DLG2: variants seen among roughly 807,000 people sequenced by gnomAD.
The protein encoded by DLG2 is discs large MAGUK scaffold protein 2, also known as disks large homolog 2.
A neutral mutation model predicts 132.5 loss-of-function variants in DLG2; 45 were observed. That is an observed-to-expected ratio of 0.34 (90% CI 0.27 to 0.44). DLG2 has a LOEUF of 0.44. Ranked by LOEUF, DLG2 falls within the 20% of genes least tolerant of loss-of-function variation. The pLI is 1.00. For missense variants in DLG2, 1,045 were observed against 1,196.9 expected (o/e 0.87, Z 1.87); for synonymous variants, 424 against 419.6 (o/e 1.01, Z -0.13).
chr11:83,765,769 G>A (rs1156734251), intron 18 of DLG2, among the ~76,000 whole-genome samples: 1 of 152,142 alleles, frequency 6.6e-6, no homozygotes, highest in Non-Finnish European at 1.5e-5. Context: ...CACAATATAT[G>A]TACAATTGAG....
chr11:84,601,186 T>C (rs573464042), intron 6 of DLG2, among the ~76,000 whole-genome samples: 28 of 152,070 alleles, frequency 1.8e-4, no homozygotes, highest in Non-Finnish European at 3.7e-4. Context: ...CAGGTTATTC[T>C]GGAAGCTGTA....
intron 7 of DLG2, among the ~76,000 whole-genome samples, chr11:84,483,518 A>C (rs2099143326): frequency 6.6e-6 from 1 of 152,032 alleles, no homozygotes; most frequent in South Asian, 2.1e-4. Context: ...GAGGAAGCTG[A>C]AACTACTTTT....
chr11:84,286,725 G>A (rs138739043), intron 7 of DLG2, among the ~76,000 whole-genome samples: 37 of 152,282 alleles, frequency 2.4e-4, no homozygotes, highest in African/African-American at 8.4e-4. Flanking sequence ...GTCAACAAGT[G>A]TCTGAGTGAG....
chr11:83,959,953 T>C (rs926716357), intron 14 of DLG2, among the ~76,000 whole-genome samples: 5 of 152,114 alleles, frequency 3.3e-5, no homozygotes, highest in African/African-American at 1.2e-4. Flanking sequence ...TATTACTCTA[T>C]GTATTGTTAA....
chr11:83,928,405 G>A lies in DLG2; in HGVS notation c.1496+1923C>T, dbSNP rs192238841. On this transcript the variant is annotated intron_variant, in intron 15 of 27. Transcript: ENST00000376104. ...GTGAACTGTTATCAGCTACTTCTTC[G>A]TGAATTTTTCAGGAAGGATGCTTCA... Among the ~76,000 whole-genome samples, 1,229 of 152,086 alleles carry A rather than the reference G, an allele frequency of 8.1e-3. 17 individuals are homozygous for A. Among genetic ancestry groups the A allele is most frequent in the African/African-American group, 0.028 (1,175 of 41,470 alleles).
intron 18 of DLG2, among the ~76,000 whole-genome samples, chr11:83,731,893 G>T (rs940266949): frequency 2.6e-5 from 4 of 152,270 alleles, no homozygotes; most frequent in Admixed American, 2.0e-4. Flanking sequence ...ACCAGAAAGG[G>T]TTATCATTAA....
intron 2 of DLG2, among the ~76,000 whole-genome samples, chr11:85,600,972 A>G (rs1171858697): frequency 1.3e-5 from 2 of 152,164 alleles, no homozygotes; most frequent in African/African-American, 4.8e-5. Context: ...ACCATGGCCA[A>G]TTTCAAGGTA....
rs545290550 is a variant in DLG2 at position 83,616,996 on chromosome 11, G to A, written c.1940+16215C>T. Among the ~76,000 whole-genome samples the A allele has an allele frequency of 5.7e-4, 87 of 152,138 alleles. No individual in the cohort carries two copies. The Middle Eastern group carries it at 0.01, about 18-fold the overall frequency. On this transcript the variant is annotated intron_variant, in intron 19 of 27. Coordinates refer to ENST00000376104, the MANE Select transcript of DLG2 (RefSeq NM_001142699.3). Reference sequence around the variant, plus strand: ...TTCTGCACTCTATATTATTCCATTGGTCTACTTGTCTACACTTATACCAAT... The same window carrying A: ...TTCTGCACTCTATATTATTCCATTGATCTACTTGTCTACACTTATACCAAT...
intron 6 of DLG2, among the ~76,000 whole-genome samples, chr11:84,662,837 A>T (rs2099695999): frequency 6.7e-6 from 1 of 149,602 alleles, no homozygotes; most frequent in South Asian, 2.1e-4. Flanking sequence ...GAAGGTCCTG[A>T]TTAGATCCTT....
intron 8 of DLG2, among the ~76,000 whole-genome samples, chr11:84,194,505 C>G (rs191227519): frequency 1.3e-5 from 2 of 152,174 alleles, no homozygotes; most frequent in African/African-American, 4.8e-5. Context: ...GAGTGGCTTG[C>G]GCTGTTGGCT....
chr11:84,670,170 C>CT (rs2099704183), intron 6 of DLG2, among the ~76,000 whole-genome samples: 1 of 152,104 alleles, frequency 6.6e-6, no homozygotes, highest in Admixed American at 6.6e-5. Context: ...CAACCTTCCT[C>CT]TTGATCGCAT....
At chr11:85,290,555 T>G (rs1565275948) in intron 3 of DLG2, among the ~76,000 whole-genome samples, 1 of 151,924 alleles carries the variant, frequency 6.6e-6, no homozygotes, top group Non-Finnish European at 1.5e-5. Flanking sequence ...AAGAGGGGAA[T>G]AGGGTGAAAG....
At chr11:84,575,315 T>A (rs949415701) in intron 6 of DLG2, among the ~76,000 whole-genome samples, 4 of 152,138 alleles carry the variant, frequency 2.6e-5, no homozygotes, top group African/African-American at 7.2e-5. Flanking sequence ...CTCCTGATTG[T>A]GCATGCCTCC....
intron 8 of DLG2, among the ~76,000 whole-genome samples, chr11:84,198,627 C>A (rs2096553485): frequency 6.6e-6 from 1 of 152,040 alleles, no homozygotes; most frequent in Non-Finnish European, 1.5e-5. Flanking sequence ...AAAACCATGA[C>A]AATTATCTAC....
At chr11:84,398,217 C>T (rs1052626487) in intron 7 of DLG2, among the ~76,000 whole-genome samples, 1 of 152,146 alleles carries the variant, frequency 6.6e-6, no homozygotes, top group Non-Finnish European at 1.5e-5. Context: ...TTCATCAGAT[C>T]ACCTGCAGAG....
chr11:84,909,650 T>C (rs2091886186), intron 6 of DLG2, among the ~76,000 whole-genome samples: 1 of 152,228 alleles, frequency 6.6e-6, no homozygotes, highest in Admixed American at 6.5e-5. Flanking sequence ...AGGTGGCCTC[T>C]TCCCCAGGAG....
chr11:84,959,719 T>G (rs967204904), intron 6 of DLG2, among the ~76,000 whole-genome samples: 4 of 152,210 alleles, frequency 2.6e-5, no homozygotes, highest in Non-Finnish European at 5.9e-5. Context: ...ACTTATTTAA[T>G]TGCGACTATA....
intron 7 of DLG2, among the ~76,000 whole-genome samples, chr11:84,433,652 T>C (rs2098991542): frequency 6.6e-6 from 1 of 152,226 alleles, no homozygotes. Flanking sequence ...AAAATGTCAA[T>C]GTGAATCACC....
intron 6 of DLG2, among the ~76,000 whole-genome samples, chr11:84,696,584 C>G (rs1167389817): frequency 6.6e-6 from 1 of 151,258 alleles, no homozygotes; most frequent in Non-Finnish European, 1.5e-5. Flanking sequence ...TGAGTGGTGA[C>G]AAACCAGGCA....
Sources: gnomAD v4.1 joint callset for allele counts (sites outside exome capture counted in the v4.1 genomes callset) on GRCh38, gnomAD v4.1.1 for gene constraint, MANE v1.5 for transcripts, NCBI Gene and HGNC (gene_info 2026-07-23, HGNC 2026-07-21) for gene names.